RCAN1: variants seen among roughly 807,000 people sequenced by gnomAD.
The protein encoded by RCAN1 is regulator of calcineurin 1.
Under a neutral mutation model 22.9 loss-of-function variants are expected in RCAN1, and 11 were observed. The observed-to-expected ratio is 0.48, with a 90% CI of 0.30 to 0.79. The LOEUF (loss-of-function observed/expected upper bound fraction) is 0.79. RCAN1 is among the 30% of genes least tolerant of loss of function. The pLI is 0.06. For synonymous variants in RCAN1, 136 were observed against 142.3 expected, an observed-to-expected ratio of 0.96 and a Z score of 0.32; for missense variants, 291 against 337.8, an observed-to-expected ratio of 0.86 and a Z score of 1.09.
chr21:34,545,794 C>A (rs1986110363), intron 1 of RCAN1, among the ~76,000 whole-genome samples: 1 of 152,244 alleles, frequency 6.6e-6, no homozygotes, highest in South Asian at 2.1e-4. Flanking sequence ...TCAAATGCCA[C>A]TGGGAGGATA....
rs990830008 is a variant in RCAN1 at position 34,525,455 on chromosome 21, C to T, written c.253-1745G>A. The T allele has an allele frequency of 8.9e-6, 12 of 1,346,890 alleles. No individual in the cohort carries two copies. In the Admixed American group the frequency reaches 2.8e-4, roughly 31 times the overall value. 83.4% of individuals were successfully genotyped at this position (1,346,890 alleles called of 1,614,324 possible). The stretch of plus-strand genomic sequence containing the variant: ...TCTTTTTCCCCACCTCTCTTGAGCA[C>T]GGGCAAGTTTCTGGCAAAAGTGTGT... On this transcript the variant is annotated intron_variant, in intron 1 of 3. Coordinates refer to ENST00000313806, the MANE Select transcript of RCAN1 (RefSeq NM_004414.7).
rs1264379332 is a variant in RCAN1 at position 34,614,081 on chromosome 21, G to T, written c.252+679C>A. On this transcript the variant is annotated intron_variant, in intron 1 of 3. Transcript: ENST00000313806. This position sits in a 1 kb window ranked among gnomAD's most constrained non-coding sequence, Gnocchi z 6.0. ...GTGTCTAAATTGTGTGGATTTTGCG[G>T]GGGTGGGGGGAGGCGGGGGAAGGAG... Among the ~76,000 whole-genome samples, 1 of 152,204 alleles carries T rather than the reference G, an allele frequency of 6.6e-6. No individual in the cohort carries two copies. The highest frequency in any genetic ancestry group is 2.4e-5 in the African/African-American group (1 of 41,452).
chr21:34,613,711 T>C, intron 1 of RCAN1: 1 of 1,422,792 alleles, frequency 7.0e-7, no homozygotes, highest in Non-Finnish European at 9.4e-7. Flanking sequence ...GCCTGGAAGC[T>C]TACCTAAGCA....
At chr21:34,610,581 G>A (rs1459776222) in intron 1 of RCAN1, among the ~76,000 whole-genome samples, 1 of 152,126 alleles carries the variant, frequency 6.6e-6, no homozygotes, top group African/African-American at 2.4e-5. Flanking sequence ...AAGATATAAC[G>A]ATGCCTCTGG....
intron 1 of RCAN1, among the ~76,000 whole-genome samples, chr21:34,587,862 T>A (rs1287572018): frequency 6.6e-6 from 1 of 152,188 alleles, no homozygotes; most frequent in African/African-American, 2.4e-5. Context: ...GATTAACATT[T>A]AGATTAGTGA....
intron 1 of RCAN1, among the ~76,000 whole-genome samples, chr21:34,583,940 C>T (rs888839997): frequency 6.6e-6 from 1 of 152,124 alleles, no homozygotes; most frequent in Non-Finnish European, 1.5e-5. Context: ...CACACACATA[C>T]ACACATATTT....
intron 1 of RCAN1, among the ~76,000 whole-genome samples, chr21:34,544,790 G>A (rs575588502): frequency 1.3e-5 from 2 of 152,278 alleles, no homozygotes; most frequent in African/African-American, 2.4e-5. Context: ...CACCCGCCTC[G>A]GGTTGGAGTA....
At chr21:34,546,750 G>A (rs556533237) in intron 1 of RCAN1, among the ~76,000 whole-genome samples, 36 of 152,218 alleles carry the variant, frequency 2.4e-4, no homozygotes, top group African/African-American at 8.4e-4. Flanking sequence ...ATAGCAATGG[G>A]TTTTTCCCTG....
chr21:34,556,731 G>A (rs535124058), intron 1 of RCAN1, among the ~76,000 whole-genome samples: 26 of 152,256 alleles, frequency 1.7e-4, no homozygotes, highest in Non-Finnish European at 2.5e-4. Context: ...ATGACAGAAC[G>A]TTTCAGTGCA....
chr21:34,574,821 T>G (rs1181604247), intron 1 of RCAN1, among the ~76,000 whole-genome samples: 1 of 152,184 alleles, frequency 6.6e-6, no homozygotes, highest in African/African-American at 2.4e-5. Flanking sequence ...CTAGACCTAC[T>G]CAGAAGGAAC....
In RCAN1 at chr21:34,614,163, G is replaced by A. The variant is rs1988756056; in HGVS notation, c.252+597C>T. The A allele has an allele frequency of 1.7e-5, 15 of 894,978 alleles. No individual in the cohort carries two copies. Among genetic ancestry groups the A allele is most frequent in the Non-Finnish European group, 2.1e-5 (15 of 726,764 alleles). 55.4% of individuals were successfully genotyped at this position (894,978 alleles called of 1,614,324 possible). A position where few individuals can be genotyped will look rare whatever the true frequency, so the allele number is the denominator to read the frequency against. On this transcript the variant is annotated intron_variant, in intron 1 of 3. Transcript: ENST00000313806. The surrounding 1 kb of genome is among the most constrained non-coding windows in gnomAD (Gnocchi z 6.0). ...GCGGCAAGCCACACCTTCACACAAG[G>A]GGGCAAGGTTCTTGACTAAATATCC...
intron 1 of RCAN1, chr21:34,559,952 T>A (rs1307474892): frequency 3.3e-5 from 5 of 152,214 alleles, no homozygotes; most frequent in African/African-American, 1.2e-4. Flanking sequence ...TACACTGACA[T>A]GCCTTCAAGT....
Position 34,517,937 on chromosome 21 carries a change from C to A in RCAN1, c.*147G>T. On this transcript the variant is annotated 3_prime_UTR_variant, in exon 4 of 4. Transcript: ENST00000313806. ...CAGCATTAGAACAAGGGGACACGGCCTTGATTCTCTTCTGAGCAACATGAA... is the reference window on the plus strand; with the variant it reads ...CAGCATTAGAACAAGGGGACACGGCATTGATTCTCTTCTGAGCAACATGAA... 1.1e-6 allele frequency: 1 copy of A among 945,026 alleles called. No homozygotes were observed. Among genetic ancestry groups the A allele is most frequent in the Non-Finnish European group, 1.6e-6 (1 of 621,080 alleles). 58.5% of individuals were successfully genotyped at this position (945,026 alleles called of 1,614,324 possible).
At chr21:34,561,217 A>G (rs779484964) in intron 1 of RCAN1, among the ~76,000 whole-genome samples, 5 of 151,964 alleles carry the variant, frequency 3.3e-5, no homozygotes, top group Non-Finnish European at 5.9e-5. Flanking sequence ...TTTATAAATT[A>G]CCCTCTCTAG....
intron 3 of RCAN1, 185 bp downstream of exon 3, chr21:34,521,314 G>T (rs780532160): frequency 2.6e-5 from 39 of 1,482,926 alleles, no homozygotes; most frequent in Non-Finnish European, 3.5e-5. Context: ...AACACTGCAG[G>T]TGGTGCCAAG....
chr21:34,525,356 G>A (rs1041321646), intron 1 of RCAN1: 1 of 1,484,110 alleles, frequency 6.7e-7, no homozygotes. Context: ...ACTTTCCCAC[G>A]AGGGATCCCG....
intron 1 of RCAN1, among the ~76,000 whole-genome samples, chr21:34,570,949 T>C (rs933523694): frequency 5.3e-5 from 8 of 152,152 alleles, no homozygotes; most frequent in Non-Finnish European, 8.8e-5. Context: ...TTAACCATGA[T>C]GAAGAAGAGT....
intron 1 of RCAN1, among the ~76,000 whole-genome samples, chr21:34,530,698 C>T (rs186620157): frequency 7.3e-6 from 1 of 136,964 alleles, no homozygotes; most frequent in African/African-American, 2.7e-5. Flanking sequence ...GATCTTGGCT[C>T]ACTGCAACCT....
intron 1 of RCAN1, among the ~76,000 whole-genome samples, chr21:34,529,985 A>G (rs991615053): frequency 6.6e-6 from 1 of 151,230 alleles, no homozygotes. Context: ...AGTGTCTTTC[A>G]CCTCCCGCCG....
Sources: allele counts gnomAD v4.1 joint callset (sites outside exome capture counted in the v4.1 genomes callset), GRCh38; gene constraint gnomAD v4.1.1; non-coding constraint Gnocchi (gnomAD v3.1); transcripts MANE v1.5; gene names NCBI Gene and HGNC (gene_info 2026-07-23, HGNC 2026-07-21).